CLASP2: variants seen among roughly 807,000 people sequenced by gnomAD.
The protein encoded by CLASP2 is CLIP-associating protein 2.
A neutral mutation model predicts 194.4 loss-of-function variants in CLASP2; 47 were observed. The observed-to-expected ratio is 0.24, with a 90% CI of 0.19 to 0.31. The LOEUF (loss-of-function observed/expected upper bound fraction) is 0.31. Among genes scored for constraint, CLASP2 ranks in the 10% least tolerant of loss-of-function variants. The pLI, the probability that CLASP2 is intolerant of heterozygous loss-of-function variation, is 1.00. For missense variants in CLASP2, 1,445 were observed against 1,823.6 expected (o/e 0.79, Z 3.78); for synonymous variants, 619 against 633.5 (o/e 0.98, Z 0.34).
intron 1 of CLASP2, among the ~76,000 whole-genome samples, chr3:33,712,955 A>G (rs577606245): frequency 4.1e-5 from 6 of 145,188 alleles, no homozygotes; most frequent in African/African-American, 1.5e-4. Context: ...CAAAGACCTG[A>G]GCAAAGAGCT....
At chr3:33,517,805 G>A (rs150289156) in intron 34 of CLASP2, among the ~76,000 whole-genome samples, 1 of 152,226 alleles carries the variant, frequency 6.6e-6, no homozygotes, top group East Asian at 1.9e-4. Flanking sequence ...TGGGACTACA[G>A]GTGTGTACCT....
chr3:33,651,454 C>T (rs958273612), intron 7 of CLASP2, among the ~76,000 whole-genome samples: 1 of 150,850 alleles, frequency 6.6e-6, no homozygotes, highest in African/African-American at 2.4e-5. Flanking sequence ...CCAAGCCCAG[C>T]AGAAACTGTT....
intron 6 of CLASP2, among the ~76,000 whole-genome samples, chr3:33,683,866 G>A (rs1419024337): frequency 1.3e-5 from 2 of 149,796 alleles, no homozygotes; most frequent in Non-Finnish European, 2.9e-5. Flanking sequence ...CTTGAGCCCA[G>A]GATGCAGAGG....
At chr3:33,582,871 T>C (rs138901025) in intron 22 of CLASP2, among the ~76,000 whole-genome samples, 1 of 152,310 alleles carries the variant, frequency 6.6e-6, no homozygotes, top group Non-Finnish European at 1.5e-5. Context: ...CAGAGGCTCA[T>C]GGGCCAAATA....
chr3:33,529,780 G>T (rs1248742369), intron 34 of CLASP2, among the ~76,000 whole-genome samples: 2 of 151,866 alleles, frequency 1.3e-5, no homozygotes, highest in Non-Finnish European at 2.9e-5. Flanking sequence ...AGGAGATCGA[G>T]ACCATCCTGG....
intron 34 of CLASP2, among the ~76,000 whole-genome samples, chr3:33,525,830 C>T (rs935528698): frequency 6.6e-6 from 1 of 152,204 alleles, no homozygotes; most frequent in African/African-American, 2.4e-5. Context: ...AGCCTGCAGC[C>T]CCACTTCCAC....
chr3:33,671,549 G>A (rs1272253158), intron 6 of CLASP2, among the ~76,000 whole-genome samples: 1 of 152,194 alleles, frequency 6.6e-6, no homozygotes, highest in South Asian at 2.1e-4. Flanking sequence ...TTCCATCTGA[G>A]GTACCAGGTT....
At chr3:33,678,019 T>C (rs558952450) in intron 6 of CLASP2, among the ~76,000 whole-genome samples, 1 of 147,596 alleles carries the variant, frequency 6.8e-6, no homozygotes, top group Non-Finnish European at 1.5e-5. Context: ...CACTGATGTA[T>C]CTCTGAGCTT....
At chr3:33,583,090 GTGAT>G (rs1380757809) in intron 22 of CLASP2, among the ~76,000 whole-genome samples, 5 of 152,206 alleles carry the variant, frequency 3.3e-5, no homozygotes, top group African/African-American at 1.2e-4. Context: ...CCAGGAGGGA[GTGAT>G]TCAAACCAGG....
chr3:33,548,669 G>A (rs2059528166), intron 30 of CLASP2, among the ~76,000 whole-genome samples: 1 of 151,746 alleles, frequency 6.6e-6, no homozygotes, highest in South Asian at 2.1e-4. Context: ...TTACTGATAG[G>A]ATTGACAGGC....
intron 13 of CLASP2, 118 bp from the exon 14 acceptor site, chr3:33,608,744 CTTTTTTTTT>C: frequency 2.5e-4 from 39 of 159,054 alleles, no homozygotes; most frequent in Non-Finnish European, 3.2e-4. Context: ...TTTTAGATAT[CTTTTTTTTT>C]TTTTTTTTTT....
chr3:33,518,434 G>A (rs1351284393), intron 34 of CLASP2, among the ~76,000 whole-genome samples: 2 of 152,146 alleles, frequency 1.3e-5, no homozygotes, highest in East Asian at 3.8e-4. Context: ...GACCTTGAGG[G>A]ATTTCAGCAG....
chr3:33,610,389 T>C (rs1559370420), intron 13 of CLASP2, among the ~76,000 whole-genome samples: 1 of 152,216 alleles, frequency 6.6e-6, no homozygotes, highest in African/African-American at 2.4e-5. Context: ...ATTTATCATA[T>C]GTTCTGGCCT....
At chr3:33,560,691 C>T (rs2061671036) in intron 28 of CLASP2, 117 bp downstream of exon 28, 7 of 814,196 alleles carry the variant, frequency 8.6e-6, no homozygotes, top group South Asian at 2.0e-5. Flanking sequence ...AATCTTCAAA[C>T]GGAATCCATG....
At chr3:33,560,524 T>C (rs1308119828) in intron 28 of CLASP2, among the ~76,000 whole-genome samples, 1 of 152,192 alleles carries the variant, frequency 6.6e-6, no homozygotes, top group Non-Finnish European at 1.5e-5. Flanking sequence ...ATTACAGGTG[T>C]GAGCCACCAT....
chr3:33,600,071 TCATA>T (rs1425391601), intron 18 of CLASP2, among the ~76,000 whole-genome samples: 1 of 152,054 alleles, frequency 6.6e-6, no homozygotes, highest in African/African-American at 2.4e-5. Context: ...TGTGTTTTGC[TCATA>T]TATATATTTT....
At chr3:33,640,578 T>C (rs768046601) in intron 8 of CLASP2, among the ~76,000 whole-genome samples, 1 of 152,098 alleles carries the variant, frequency 6.6e-6, no homozygotes, top group Non-Finnish European at 1.5e-5. Flanking sequence ...ACTTTAAGAA[T>C]TGAAGATTTG....
At chr3:33,554,254 C>G (rs992101386) in intron 29 of CLASP2, among the ~76,000 whole-genome samples, 2 of 149,032 alleles carry the variant, frequency 1.3e-5, no homozygotes, top group Non-Finnish European at 3.0e-5. Flanking sequence ...ATGTAATCAA[C>G]CTAAGTGTCT....
chr3:33,505,592 A>G (rs2047949917), intron 37 of CLASP2: 1 of 152,182 alleles, frequency 6.6e-6, no homozygotes, highest in Non-Finnish European at 1.5e-5. Context: ...CTACAATAAT[A>G]TATGAAGTGA....
Sources: allele counts gnomAD v4.1 joint callset (sites outside exome capture counted in the v4.1 genomes callset), GRCh38; gene constraint gnomAD v4.1.1; transcripts MANE v1.5; gene names NCBI Gene and HGNC (gene_info 2026-07-23, HGNC 2026-07-21).